MBD2: variants seen among roughly 807,000 people sequenced by gnomAD.
The protein encoded by MBD2 is methyl-CpG-binding domain protein 2.
A neutral mutation model predicts 39.3 loss-of-function variants in MBD2; 9 were observed. That is an observed-to-expected ratio of 0.23 (90% CI 0.14 to 0.40). The LOEUF (loss-of-function observed/expected upper bound fraction) is 0.40, where lower values mean the gene tolerates loss of function less well. MBD2 is among the 10% of genes least tolerant of loss of function. The pLI is 1.00. For synonymous variants in MBD2, 233 were observed against 211.1 expected, an observed-to-expected ratio of 1.10 and a Z score of -0.90; for missense variants, 458 against 532.6, an observed-to-expected ratio of 0.86 and a Z score of 1.38.
At chr18:54,159,268 T>C (rs186032442) in intron 6 of MBD2, among the ~76,000 whole-genome samples, 18 of 152,204 alleles carry the variant, frequency 1.2e-4, no homozygotes, top group African/African-American at 4.1e-4. Context: ...GTCCTCCCAG[T>C]ATGAGAACAA....
chr18:54,155,549 T>G (rs1185398422), intron 6 of MBD2, among the ~76,000 whole-genome samples: 1 of 152,238 alleles, frequency 6.6e-6, no homozygotes, highest in East Asian at 1.9e-4. Flanking sequence ...TCCAAAGAAA[T>G]CATATGTATT....
Position 54,202,959 on chromosome 18 carries a change from ATGAAGC to A in MBD2, c.702+2033_702+2038del, listed in dbSNP as rs2086419337. On this transcript the variant is annotated intron_variant, in intron 2 of 6. Transcript: ENST00000256429. ...GGCAGGCTTCCCAGAGATGGAGACA[ATGAAGC>A]TGGGTCTTGGATGAGTAGGAGTTCA... 6.1e-6 allele frequency: 6 copies of A among 984,810 alleles called. No homozygotes were observed. In the East Asian group the frequency reaches 1.4e-4, roughly 23 times the overall value. 61.0% of individuals were successfully genotyped at this position (984,810 alleles called of 1,614,324 possible).
chr18:54,184,588 T>C (rs1343586768), intron 3 of MBD2, among the ~76,000 whole-genome samples: 2 of 152,222 alleles, frequency 1.3e-5, no homozygotes, highest in Non-Finnish European at 2.9e-5. Context: ...TTTGCTAGTA[T>C]GTACCAAAAA....
At chr18:54,163,482 G>C (rs1452119805) in intron 5 of MBD2, among the ~76,000 whole-genome samples, 1 of 151,984 alleles carries the variant, frequency 6.6e-6, no homozygotes, top group Non-Finnish European at 1.5e-5. Context: ...ATAAAATAAT[G>C]ATATTGAGGT....
intron 5 of MBD2, among the ~76,000 whole-genome samples, chr18:54,160,442 T>C (rs2086087953): frequency 6.6e-6 from 1 of 151,770 alleles, no homozygotes; most frequent in South Asian, 2.1e-4. Flanking sequence ...CAAGACTACA[T>C]GATCCTGCAC....
chr18:54,153,513 G>C lies in MBD2; in HGVS notation c.*1811C>G, dbSNP rs575223624. ...ATACATTGTGTTTTTGCTTTTACAA[G>C]CTGTTTAGAAAAGCACATATATCTT... On this transcript the variant is annotated 3_prime_UTR_variant, in exon 7 of 7. Transcript: ENST00000256429. 6.6e-6 allele frequency: 1 copy of C among 151,926 alleles called. No individual in the cohort carries two copies. Among genetic ancestry groups the C allele is most frequent in the African/African-American group, 2.4e-5 (1 of 41,418 alleles). The allele number at this position is 151,926 out of a possible 1,614,324, so 9.4% of individuals were successfully genotyped here.
At chr18:54,170,189 G>A (rs1465887105) in intron 3 of MBD2, among the ~76,000 whole-genome samples, 1 of 152,222 alleles carries the variant, frequency 6.6e-6, no homozygotes, top group Non-Finnish European at 1.5e-5. Context: ...AAGCATAGTT[G>A]CATGTACTTT....
At chr18:54,155,366 T>A (rs1305429830) in intron 6 of MBD2, 55 bp from the exon 7 acceptor site, 2 of 150,284 alleles carry the variant, frequency 1.3e-5, no homozygotes, top group Non-Finnish European at 3.0e-5. Context: ...ATTTATCAGG[T>A]GAGAGGTCAG....
intron 1 of MBD2, among the ~76,000 whole-genome samples, chr18:54,213,479 C>G (rs1304866776): frequency 6.6e-6 from 1 of 152,180 alleles, no homozygotes; most frequent in South Asian, 2.1e-4. Flanking sequence ...GGGACCACTG[C>G]TCTGTATCAT....
chr18:54,221,632 G>A lies in MBD2; in HGVS notation c.542+2386C>T, dbSNP rs555491402. ...TCTACTAAAAATACAAAAATTAGCC[G>A]GGCATGGTGGCAGGCACCTGTAGTC... On this transcript the variant is annotated intron_variant, in intron 1 of 6. Transcript: ENST00000256429. Among the ~76,000 whole-genome samples the A allele has an allele frequency of 2.0e-4, 31 of 151,860 alleles. No individual in the cohort carries two copies. In the South Asian group the frequency reaches 3.3e-3, roughly 16 times the overall value.
intron 2 of MBD2, among the ~76,000 whole-genome samples, chr18:54,189,671 G>GCAGGGTCTCACTCTGTTGCC (rs1346351889): frequency 6.6e-6 from 1 of 151,702 alleles, no homozygotes; most frequent in Non-Finnish European, 1.5e-5. Flanking sequence ...TTGTTTAGGG[G>GCAGGGTCTCACTCTGTTGCC]CAGGGTCTCA....
chr18:54,224,623 C>T lies in MBD2; in HGVS notation c.-64G>A. ...ACCGAGCCCTTGGAATCCCGGAGACCCGCCCCGCCCGCAGCGCGGCGCGCG... is the reference window on the plus strand; with the variant it reads ...ACCGAGCCCTTGGAATCCCGGAGACTCGCCCCGCCCGCAGCGCGGCGCGCG... On this transcript the variant is annotated 5_prime_UTR_variant, in exon 1 of 7. Transcript: ENST00000256429. 8.8e-7 allele frequency: 1 copy of T among 1,140,906 alleles called. No homozygotes were observed. The highest frequency in any genetic ancestry group is 1.1e-6 in the Non-Finnish European group (1 of 905,932). 70.7% of individuals were successfully genotyped at this position (1,140,906 alleles called of 1,614,324 possible). A position where few individuals can be genotyped will look rare whatever the true frequency, so the allele number is the denominator to read the frequency against.
At chr18:54,204,884 G>T in intron 2 of MBD2, 114 bp downstream of exon 2, 1 of 935,314 alleles carries the variant, frequency 1.1e-6, no homozygotes, top group East Asian at 2.4e-5. Flanking sequence ...CAGGGTATGG[G>T]GACATGCACG....
At chr18:54,202,734 C>T in intron 2 of MBD2, 1 of 1,404,676 alleles carries the variant, frequency 7.1e-7, no homozygotes, top group Non-Finnish European at 9.4e-7. Context: ...CTATACACTT[C>T]TAGAATGAGG....
intron 2 of MBD2, among the ~76,000 whole-genome samples, chr18:54,195,466 C>G (rs2086357684): frequency 6.6e-6 from 1 of 152,026 alleles, no homozygotes; most frequent in Non-Finnish European, 1.5e-5. Context: ...TTTTTGCATA[C>G]ACCGCACACT....
chr18:54,181,822 A>G (rs1472255072), intron 3 of MBD2, among the ~76,000 whole-genome samples: 1 of 152,216 alleles, frequency 6.6e-6, no homozygotes, highest in Non-Finnish European at 1.5e-5. Context: ...TGACCAGCAT[A>G]AAACACACCT....
chr18:54,156,391 AT>A (rs1274957918), intron 6 of MBD2, among the ~76,000 whole-genome samples: 1 of 152,200 alleles, frequency 6.6e-6, no homozygotes, highest in Non-Finnish European at 1.5e-5. Context: ...ACTGATTAAA[AT>A]TCTAATCATT....
intron 3 of MBD2, among the ~76,000 whole-genome samples, chr18:54,187,026 T>A (rs571550406): frequency 6.6e-6 from 1 of 152,208 alleles, no homozygotes; most frequent in Non-Finnish European, 1.5e-5. Context: ...TTTAAAACTC[T>A]AAGTTACCAA....
intron 3 of MBD2, among the ~76,000 whole-genome samples, chr18:54,177,629 C>T (rs1169290443): frequency 6.6e-6 from 1 of 151,920 alleles, no homozygotes; most frequent in African/African-American, 2.4e-5. Flanking sequence ...TACAGGCGCC[C>T]GCCACCACGC....
Sources: gnomAD v4.1 joint callset for allele counts (sites outside exome capture counted in the v4.1 genomes callset) on GRCh38, gnomAD v4.1.1 for gene constraint, MANE v1.5 for transcripts, NCBI Gene and HGNC (gene_info 2026-07-23, HGNC 2026-07-21) for gene names.